Variants in FGGY observed in about 807,000 individuals in gnomAD.
FGGY encodes FGGY carbohydrate kinase domain containing, also known as FGGY carbohydrate kinase domain-containing protein.
In FGGY, 72 loss-of-function variants were observed where a neutral mutation model predicts 71.3. That is an observed-to-expected ratio of 1.01 (90% CI 0.84 to 1.23). FGGY has a LOEUF of 1.23. FGGY is among the 50% of genes most tolerant of loss of function. The probability of loss-of-function intolerance (pLI) is 0.00; values close to 1 mark genes in which losing one functional copy is unlikely to be tolerated. For synonymous variants in FGGY, 251 were observed against 250.3 expected (o/e 1.00, Z -0.02); for missense variants, 668 against 682.3 (o/e 0.98, Z 0.23).
rs1239976647 is a variant in FGGY, at chr1:59,584,146, C to A, written c.904-23657C>A. On this transcript the variant is annotated intron_variant, in intron 8 of 15. Transcript: ENST00000303721. ...TCCAGCCAATAGAAAAAGAGGGAATCCTCCCTAACTCATTTTATGAGGCCA... is the reference window on the plus strand; with the variant it reads ...TCCAGCCAATAGAAAAAGAGGGAATACTCCCTAACTCATTTTATGAGGCCA... Among the ~76,000 whole-genome samples the A allele has an allele frequency of 6.0e-5, 9 of 149,784 alleles. 1 individual carries two copies. Among genetic ancestry groups the A allele is most frequent in the African/African-American group, 2.3e-4 (9 of 39,510 alleles).
chr1:59,567,707 T>G (rs1284822739), intron 8 of FGGY, among the ~76,000 whole-genome samples: 1 of 151,648 alleles, frequency 6.6e-6, no homozygotes, highest in East Asian at 1.9e-4. Flanking sequence ...GTCAGTTATT[T>G]TTATATATGT....
At chr1:59,647,255 C>A (rs1020152418) in intron 11 of FGGY, among the ~76,000 whole-genome samples, 1 of 152,108 alleles carries the variant, frequency 6.6e-6, no homozygotes, top group African/African-American at 2.4e-5. Context: ...GTTGTACAGA[C>A]CAGCTTCGAG....
At chr1:59,590,373 G>A (rs185519644) in intron 8 of FGGY, among the ~76,000 whole-genome samples, 2 of 152,286 alleles carry the variant, frequency 1.3e-5, no homozygotes, top group East Asian at 3.9e-4. Context: ...GGAGGAAGTG[G>A]TACCATTCCT....
At chr1:59,482,875 G>A (rs182273930) in intron 6 of FGGY, among the ~76,000 whole-genome samples, 1 of 151,970 alleles carries the variant, frequency 6.6e-6, no homozygotes. Flanking sequence ...TCCTTTTTGG[G>A]CCCCATTTTC....
intron 5 of FGGY, among the ~76,000 whole-genome samples, chr1:59,380,148 G>T (rs1480767009): frequency 6.0e-5 from 9 of 149,644 alleles, no homozygotes; most frequent in Non-Finnish European, 1.5e-5. Flanking sequence ...TGGCTGCATA[G>T]TATTCCATGG....
intron 8 of FGGY, among the ~76,000 whole-genome samples, chr1:59,590,975 A>G (rs1015696400): frequency 6.6e-5 from 10 of 152,222 alleles, no homozygotes; most frequent in South Asian, 2.1e-4. Flanking sequence ...AGGGTATTCA[A>G]TTAGGAAAAG....
chr1:59,487,669 A>G (rs1356586468), intron 6 of FGGY, among the ~76,000 whole-genome samples: 2 of 152,164 alleles, frequency 1.3e-5, no homozygotes, highest in Non-Finnish European at 2.9e-5. Flanking sequence ...TCTCTGATAC[A>G]GAAACCCCTG....
intron 5 of FGGY, among the ~76,000 whole-genome samples, chr1:59,395,857 A>G (rs904445620): frequency 1.1e-4 from 16 of 152,354 alleles, no homozygotes; most frequent in Admixed American, 9.8e-4. Flanking sequence ...GCTGTTTGCC[A>G]TAATGGTTCC....
chr1:59,318,716 T>C (rs1403311143), intron 1 of FGGY: 1 of 152,308 alleles, frequency 6.6e-6, no homozygotes, highest in African/African-American at 2.4e-5. Context: ...CAGGTCTGTG[T>C]AAGCCAGGGT....
chr1:59,370,224 C>A (rs961221628), intron 4 of FGGY, among the ~76,000 whole-genome samples: 1 of 152,092 alleles, frequency 6.6e-6, no homozygotes, highest in African/African-American at 2.4e-5. Flanking sequence ...CTTAAAGGAG[C>A]TGATGGAGCT....
chr1:59,386,284 T>A (rs989215764), intron 5 of FGGY, among the ~76,000 whole-genome samples: 1 of 152,168 alleles, frequency 6.6e-6, no homozygotes, highest in Non-Finnish European at 1.5e-5. Flanking sequence ...TCTTTCTTTC[T>A]TTTTGATACC....
chr1:59,400,136 T>G (rs930414665), intron 5 of FGGY, among the ~76,000 whole-genome samples: 4 of 152,228 alleles, frequency 2.6e-5, no homozygotes, highest in Admixed American at 2.6e-4. Context: ...TGTGCAGATG[T>G]AATATGTTTC....
chr1:59,325,349 T>C (rs1422187015), intron 2 of FGGY, among the ~76,000 whole-genome samples: 1 of 143,616 alleles, frequency 7.0e-6, no homozygotes, highest in Non-Finnish European at 1.5e-5. Flanking sequence ...AGAGTGGGAC[T>C]CCGTGTCCAA....
chr1:59,728,364 C>T (rs1175410805), intron 14 of FGGY, among the ~76,000 whole-genome samples: 1 of 152,006 alleles, frequency 6.6e-6, no homozygotes, highest in Non-Finnish European at 1.5e-5. Context: ...TAATTTATTT[C>T]ATTTATCCAT....
At chr1:59,429,312 G>A (rs6676078) in intron 5 of FGGY, among the ~76,000 whole-genome samples, 95,221 of 151,792 alleles carry the variant, frequency 0.63, 29,974 homozygotes, top group African/African-American at 0.67. Context: ...AGGAGATTTA[G>A]AGTGTATGTG....
chr1:59,587,852 C>G (rs1446760471), intron 8 of FGGY, among the ~76,000 whole-genome samples: 1 of 152,138 alleles, frequency 6.6e-6, no homozygotes, highest in Non-Finnish European at 1.5e-5. Flanking sequence ...GGGGAAAAAA[C>G]AGAGCAGAAA....
intron 6 of FGGY, among the ~76,000 whole-genome samples, chr1:59,500,663 C>CAAAAAAAAAAAAA (rs922111998): frequency 2.2e-5 from 1 of 44,774 alleles, no homozygotes; most frequent in Non-Finnish European, 4.0e-5. Flanking sequence ...GCCTTCTTGC[C>CAAAAAAAAAAAAA]AAAAAAAAAA....
intron 9 of FGGY, among the ~76,000 whole-genome samples, chr1:59,611,505 C>G (rs574204138): frequency 6.6e-6 from 1 of 152,236 alleles, no homozygotes; most frequent in African/African-American, 2.4e-5. Flanking sequence ...CTGTACGTCA[C>G]CATCATCAAA....
intron 1 of FGGY, among the ~76,000 whole-genome samples, chr1:59,303,962 A>C (rs1305118451): frequency 6.6e-6 from 1 of 152,080 alleles, no homozygotes; most frequent in African/African-American, 2.4e-5. Flanking sequence ...AGTTGTATAC[A>C]TTTTTAAAAA....
Sources: allele counts gnomAD v4.1 joint callset (sites outside exome capture counted in the v4.1 genomes callset), GRCh38; gene constraint gnomAD v4.1.1; transcripts MANE v1.5; gene names NCBI Gene and HGNC (gene_info 2026-07-23, HGNC 2026-07-21).